Variants in ITPR2 observed in about 807,000 individuals in gnomAD.
ITPR2 encodes inositol 1,4,5-trisphosphate-gated calcium channel ITPR2.
A neutral mutation model predicts 317.1 loss-of-function variants in ITPR2; 207 were observed. The ratio of observed to expected loss-of-function variants is 0.65; its 90% CI spans 0.58 to 0.73. The LOEUF is 0.73. ITPR2 is among the 30% of genes least tolerant of loss of function. The pLI is 0.00. For missense variants in ITPR2, 2,613 were observed against 3,284.0 expected (o/e 0.80, Z 4.99); for synonymous variants, 1,156 against 1,149.1 (o/e 1.01, Z -0.12).
At chr12:26,422,047 T>G (rs1354946983) in intron 49 of ITPR2, among the ~76,000 whole-genome samples, 1 of 151,338 alleles carries the variant, frequency 6.6e-6, no homozygotes, top group Admixed American at 6.6e-5. Context: ...GTTCATTACA[T>G]TTACTTAAGT....
intron 13 of ITPR2, among the ~76,000 whole-genome samples, chr12:26,678,488 A>G (rs1947962747): frequency 6.6e-6 from 1 of 152,146 alleles, no homozygotes; most frequent in Admixed American, 6.5e-5. Flanking sequence ...TTCATTTTCC[A>G]TAGGGGGAAA....
intron 39 of ITPR2, among the ~76,000 whole-genome samples, chr12:26,488,768 A>G (rs1025361566): frequency 3.3e-5 from 5 of 152,230 alleles, no homozygotes; most frequent in African/African-American, 1.2e-4. Flanking sequence ...TTTCCAGTAT[A>G]TTAATGAGGA....
intron 5 of ITPR2, among the ~76,000 whole-genome samples, chr12:26,717,389 A>C (rs938944319): frequency 2.6e-5 from 4 of 152,242 alleles, no homozygotes; most frequent in Admixed American, 2.6e-4. Context: ...TACTGTTGTC[A>C]CAAACTATAT....
chr12:26,654,836 C>A (rs1330890349), intron 20 of ITPR2, among the ~76,000 whole-genome samples: 4 of 152,174 alleles, frequency 2.6e-5, no homozygotes, highest in African/African-American at 9.7e-5. Flanking sequence ...CACCAACAAC[C>A]CCTCCAGTGA....
chr12:26,443,556 G>A lies in ITPR2; in HGVS notation c.6437C>T (p.Thr2146Ile), dbSNP rs1941538513. The A allele has an allele frequency of 1.9e-6, 3 of 1,610,804 alleles. No individual in the cohort carries two copies. Among genetic ancestry groups the A allele is most frequent in the South Asian group, 2.2e-5 (2 of 91,010 alleles). The part of the protein sequence containing the change: ...DEALKYYANH[T>I]AQIEIVRHDR... The stretch of plus-strand genomic sequence containing the variant: ...ATAGATGGTTACCTCAATCTGTGCA[G>A]TGTGGTTGGCATAATACTTTAAGGC... Residue 2146 changes from threonine (T) to isoleucine (I), a missense_variant, in exon 46 of 57, where the codon ACT becomes ATT. Thr to Ile is a moderately conservative substitution (Grantham distance 89). Around this residue, in one of 9 missense-constraint regions of ITPR2, gnomAD observed 926 missense variants for 1,072.8 expected, o/e 0.86. Transcript: ENST00000381340.
intron 42 of ITPR2, 35 bp downstream of exon 42, chr12:26,483,663 C>T (rs1467634047): frequency 6.8e-7 from 1 of 1,470,436 alleles, no homozygotes; most frequent in Non-Finnish European, 9.5e-7. Flanking sequence ...CCAAATTAAT[C>T]CCTTTACTAA....
chr12:26,417,168 G>T (rs1675243227), intron 50 of ITPR2, among the ~76,000 whole-genome samples: 1 of 151,910 alleles, frequency 6.6e-6, no homozygotes, highest in Non-Finnish European at 1.5e-5. Context: ...TACGATTTTT[G>T]ATATCATGTA....
chr12:26,536,186 A>G (rs1042482845), intron 37 of ITPR2, among the ~76,000 whole-genome samples: 1 of 152,214 alleles, frequency 6.6e-6, no homozygotes, highest in Non-Finnish European at 1.5e-5. Flanking sequence ...TGGAATATTA[A>G]AAGAAAAGCA....
chr12:26,602,185 T>C (rs1946015704), intron 28 of ITPR2, among the ~76,000 whole-genome samples, 185 bp downstream of exon 28: 2 of 152,068 alleles, frequency 1.3e-5, no homozygotes, highest in Admixed American at 1.3e-4. Context: ...GACTCTAGTG[T>C]GGTGACATGG....
chr12:26,718,708 CA>C (rs1948784555), intron 5 of ITPR2, among the ~76,000 whole-genome samples: 1 of 152,008 alleles, frequency 6.6e-6, no homozygotes, highest in Non-Finnish European at 1.5e-5. Flanking sequence ...TTCCCAGGTT[CA>C]AGCGATTCTC....
At chr12:26,771,629 C>T (rs563264287) in intron 2 of ITPR2, among the ~76,000 whole-genome samples, 53 of 152,178 alleles carry the variant, frequency 3.5e-4, no homozygotes, top group Non-Finnish European at 7.2e-4. Flanking sequence ...ATTCTCCTGC[C>T]TCAGCCTCCT....
chr12:26,345,401 G>C (rs1938272981), intron 55 of ITPR2, among the ~76,000 whole-genome samples: 1 of 152,112 alleles, frequency 6.6e-6, no homozygotes, highest in African/African-American at 2.4e-5. Flanking sequence ...ACATATCTAT[G>C]ATGAAGGATA....
At chr12:26,794,041 A>G (rs1950387429) in intron 1 of ITPR2, among the ~76,000 whole-genome samples, 1 of 152,204 alleles carries the variant, frequency 6.6e-6, no homozygotes, top group Non-Finnish European at 1.5e-5. Flanking sequence ...AACTCATCTA[A>G]CATAAAACCT....
At chr12:26,718,507 A>G (rs972788669) in intron 5 of ITPR2, among the ~76,000 whole-genome samples, 2 of 150,142 alleles carry the variant, frequency 1.3e-5, no homozygotes, top group Non-Finnish European at 3.0e-5. Context: ...ATAAAACTGT[A>G]TATATATATA....
At chr12:26,498,998 A>G (rs1413611874) in intron 37 of ITPR2, among the ~76,000 whole-genome samples, 5 of 152,170 alleles carry the variant, frequency 3.3e-5, no homozygotes, top group Non-Finnish European at 7.3e-5. Context: ...CTGGCCCTGG[A>G]AGAATCTTTT....
chr12:26,746,191 A>AACACACACACACACAC (rs71437307), intron 2 of ITPR2, among the ~76,000 whole-genome samples: 12 of 150,456 alleles, frequency 8.0e-5, no homozygotes, highest in Non-Finnish European at 1.3e-4. Context: ...GTATTCCTAC[A>AACACACACACACACAC]ACACACACAC....
intron 1 of ITPR2, among the ~76,000 whole-genome samples, chr12:26,815,817 G>T (rs1038239738): frequency 6.6e-6 from 1 of 152,120 alleles, no homozygotes; most frequent in Admixed American, 6.5e-5. Context: ...TACTGTGGCC[G>T]GCGCGGTGGC....
intron 36 of ITPR2, among the ~76,000 whole-genome samples, chr12:26,552,639 T>C (rs1944555171): frequency 1.3e-5 from 2 of 152,206 alleles, no homozygotes. Context: ...AAAGTTCTCC[T>C]GGCAAGGAAA....
intron 54 of ITPR2, among the ~76,000 whole-genome samples, chr12:26,398,544 A>T (rs942157852): frequency 3.9e-5 from 6 of 152,372 alleles, no homozygotes; most frequent in Non-Finnish European, 8.8e-5. Context: ...AACAAAATTA[A>T]ATGTGATTCT....
Sources: gnomAD v4.1 joint callset for allele counts (sites outside exome capture counted in the v4.1 genomes callset) on GRCh38, gnomAD v4.1.1 for gene constraint, gnomAD v4.1.1 regional missense constraint, MANE v1.5 for transcripts, NCBI Gene and HGNC (gene_info 2026-07-23, HGNC 2026-07-21) for gene names.